DDX11: variants seen among roughly 807,000 people sequenced by gnomAD.
DDX11 encodes the protein ATP-dependent DNA helicase DDX11.
A neutral mutation model predicts 125.2 loss-of-function variants in DDX11; 72 were observed. The ratio of observed to expected loss-of-function variants is 0.58; its 90% confidence interval spans 0.48 to 0.70. The LOEUF (loss-of-function observed/expected upper bound fraction) is 0.70. Among genes scored for constraint, DDX11 ranks in the 30% least tolerant of loss-of-function variants. The probability of loss-of-function intolerance (pLI) is 0.00; values close to 1 mark genes in which losing one functional copy is unlikely to be tolerated. For synonymous variants in DDX11, 347 were observed against 452.6 expected, an observed-to-expected ratio of 0.77 and a Z score of 2.96; for missense variants, 883 against 1,165.0, an observed-to-expected ratio of 0.76 and a Z score of 3.52.
intron 6 of DDX11, 118 bp from the exon 7 acceptor site, chr12:31,088,926 T>A (rs1452498842): frequency 2.5e-6 from 2 of 809,868 alleles, no homozygotes; most frequent in Non-Finnish European, 4.3e-6. Flanking sequence ...CTCGGCTTTG[T>A]GCATTGGGAG....
At chr12:31,097,030 G>A (rs1945372610) in intron 17 of DDX11, 40 bp downstream of exon 17, 55 of 1,611,660 alleles carry the variant, frequency 3.4e-5, no homozygotes, top group Non-Finnish European at 4.7e-5. Context: ...TTCCCAGGAA[G>A]GAGCCAAGCT....
At chr12:31,101,556 G>A in intron 20 of DDX11, 1 of 525,806 alleles carries the variant, frequency 1.9e-6, no homozygotes, top group Middle Eastern at 5.2e-4. Context: ...GAAGAAGGGA[G>A]GACTCAGTGC....
At chr12:31,099,310 A>T (rs4012586) in intron 18 of DDX11, among the ~76,000 whole-genome samples, 9,238 of 100,698 alleles carry the variant, frequency 0.092, no homozygotes, top group Non-Finnish European at 0.11. Flanking sequence ...TGGTCTTGAA[A>T]TCAGGTGATC....
At chr12:31,093,871 T>C (rs1227910686) in intron 12 of DDX11, among the ~76,000 whole-genome samples, 1 of 148,726 alleles carries the variant, frequency 6.7e-6, no homozygotes, top group Non-Finnish European at 1.5e-5. Context: ...TTTCAGGCCC[T>C]GCTCTGGGGG....
chr12:31,093,189 G>A, intron 11 of DDX11, 56 bp from the exon 12 acceptor site: 3 of 1,539,050 alleles, frequency 1.9e-6, no homozygotes, highest in Admixed American at 1.9e-5. Context: ...ACTGGGGTGG[G>A]CGGGGCGAGT....
At chr12:31,096,154 G>A (rs968304313) in intron 14 of DDX11, among the ~76,000 whole-genome samples, 187 bp from the exon 15 acceptor site, 6 of 152,016 alleles carry the variant, frequency 3.9e-5, no homozygotes, top group Non-Finnish European at 1.5e-5. Flanking sequence ...GTGGGCAGGG[G>A]CAGTAGAGGA....
At chr12:31,084,921 G>A in intron 4 of DDX11, 48 bp from the exon 5 acceptor site, 2 of 1,565,956 alleles carry the variant, frequency 1.3e-6, no homozygotes, top group Non-Finnish European at 1.7e-6. Flanking sequence ...GGTGGGTACT[G>A]GTGCTGAGAC....
At chr12:31,079,905 T>C (rs1941536945) in intron 2 of DDX11, among the ~76,000 whole-genome samples, 1 of 151,820 alleles carries the variant, frequency 6.6e-6, no homozygotes, top group Admixed American at 6.5e-5. Flanking sequence ...CTTGGAGCCC[T>C]CCTGGAATCC....
At chr12:31,103,199 C>T (rs1169664301) in intron 24 of DDX11, 118 bp from the exon 25 acceptor site, 7 of 1,472,362 alleles carry the variant, frequency 4.8e-6, no homozygotes, top group Non-Finnish European at 6.5e-6. Flanking sequence ...ACCTGGACCC[C>T]TGCTGCTGGC....
At chr12:31,080,238 A>T (rs980401030) in intron 2 of DDX11, among the ~76,000 whole-genome samples, 1 of 150,596 alleles carries the variant, frequency 6.6e-6, no homozygotes, top group African/African-American at 2.5e-5. Flanking sequence ...GCCCTGGCCC[A>T]GCAGGTACAG....
rs1186903730 is a variant in DDX11 at position 31,100,844 on chromosome 12, C to T, written c.1948+137C>T. 23 of 1,102,508 alleles carry T rather than the reference C, an allele frequency of 2.1e-5. No homozygotes were observed. In the Admixed American group the frequency reaches 2.6e-4, roughly 12 times the overall value. 68.3% of individuals were successfully genotyped at this position (1,102,508 alleles called of 1,614,324 possible). ...GTGGGAGCCTCACCCTTCGTGCGCT[C>T]GCCCAGGCTCTCCTGCTTTGCTCCC... On this transcript the variant is annotated intron_variant, in intron 19 of 26. Transcript: ENST00000542838.
In DDX11 at chr12:31,101,091, G is replaced by T. The variant is rs754860102; in HGVS notation, c.2013G>T (p.Pro671=). ...TCTGCAGCGGGATCTCCAACCAGCCGCTGGAATTCACGTTCCAGAAAAGAG... is the reference window on the plus strand; with the variant it reads ...TCTGCAGCGGGATCTCCAACCAGCCTCTGGAATTCACGTTCCAGAAAAGAG... ...LVICSGISNQ[P]LEFTFQKREL... is the part of the protein sequence containing the mutation. Residue 671 remains proline (P), a synonymous_variant, in exon 20 of 27, where the codon CCG becomes CCT. Transcript: ENST00000542838. 6.8e-6 allele frequency: 11 copies of T among 1,614,062 alleles called. No homozygotes were observed. Among genetic ancestry groups the T allele is most frequent in the Middle Eastern group, 1.6e-4 (1 of 6,084 alleles).
intron 9 of DDX11, 61 bp from the exon 10 acceptor site, chr12:31,091,658 G>A (rs9788173): frequency 0.35 from 541,823 of 1,531,002 alleles, 96,370 homozygotes; most frequent in East Asian, 0.61. Flanking sequence ...TCAGTGTCAG[G>A]CAGGCAAGGC....
chr12:31,087,482 A>C (rs1943359710), intron 5 of DDX11: 1 of 318,414 alleles, frequency 3.1e-6, no homozygotes, highest in South Asian at 2.8e-5. Context: ...AGGTCAAAGA[A>C]GGCTTCCTGG....
chr12:31,087,472 A>G, intron 5 of DDX11: 1 of 313,934 alleles, frequency 3.2e-6, no homozygotes, highest in Admixed American at 4.0e-5. Context: ...CTACCAGGGA[A>G]GGTCAAAGAA....
At chr12:31,082,783 C>T (rs1942229335) in intron 2 of DDX11, among the ~76,000 whole-genome samples, 1 of 152,136 alleles carries the variant, frequency 6.6e-6, no homozygotes, top group South Asian at 2.1e-4. Flanking sequence ...TCCCACAGCG[C>T]TGGAGGCTGG....
rs74906870 is a variant in DDX11, at chr12:31,084,290, T to G, written c.393+229T>G. Among the ~76,000 whole-genome samples the G allele has an allele frequency of 1.1e-4, 17 of 152,304 alleles. No individual in the cohort carries two copies. The East Asian group carries it at 3.3e-3, about 29-fold the overall frequency. ...GGAACTGTTGGTGCCCATTTATTAC[T>G]CACCTGGGAAAGGACCTGATCATTG... On this transcript the variant is annotated intron_variant, in intron 3 of 26. Transcript: ENST00000542838.
At chr12:31,088,025 G>T (rs781519786) in intron 6 of DDX11, 42 bp downstream of exon 6, 3 of 1,607,100 alleles carry the variant, frequency 1.9e-6, no homozygotes, top group East Asian at 4.5e-5. Flanking sequence ...TGGGGGTATA[G>T]GCTGGGCTGT....
intron 1 of DDX11, among the ~76,000 whole-genome samples, chr12:31,075,908 TA>T (rs1392741325): frequency 6.6e-6 from 1 of 151,820 alleles, no homozygotes; most frequent in African/African-American, 2.4e-5. Flanking sequence ...TAGAGCAAGC[TA>T]GGGGGTGAGG....
Sources: allele counts gnomAD v4.1 joint callset (sites outside exome capture counted in the v4.1 genomes callset), GRCh38; gene constraint gnomAD v4.1.1; transcripts MANE v1.5; gene names NCBI Gene and HGNC (gene_info 2026-07-23, HGNC 2026-07-21).